The following ADCY3 variants were observed in gnomAD, a reference collection of about 807,000 sequenced individuals.
ADCY3 encodes the protein adenylate cyclase 3.
A neutral mutation model predicts 119.4 loss-of-function variants in ADCY3; 70 were observed. The ratio of observed to expected loss-of-function variants is 0.59; its 90% CI spans 0.48 to 0.72. The LOEUF is 0.72. Ranked by LOEUF, ADCY3 falls within the 30% of genes least tolerant of loss-of-function variation. The pLI is 0.00. For synonymous variants in ADCY3, 672 were observed against 621.4 expected (o/e 1.08, Z -1.21); for missense variants, 1,238 against 1,541.6 (o/e 0.80, Z 3.30).
At chr2:24,877,681 G>T (rs1172830929) in intron 2 of ADCY3, among the ~76,000 whole-genome samples, 1 of 152,232 alleles carries the variant, frequency 6.6e-6, no homozygotes, top group Non-Finnish European at 1.5e-5. Flanking sequence ...CACACTGGGT[G>T]AGTGGCACAC....
intron 3 of ADCY3, among the ~76,000 whole-genome samples, chr2:24,845,696 G>GT: frequency 1.3e-5 from 2 of 152,374 alleles, no homozygotes; most frequent in South Asian, 4.1e-4. Flanking sequence ...AGAAATTTGT[G>GT]TAAGTAATGA....
intron 2 of ADCY3, among the ~76,000 whole-genome samples, chr2:24,894,276 A>T (rs1678008342): frequency 6.6e-6 from 1 of 152,154 alleles, no homozygotes; most frequent in South Asian, 2.1e-4. Flanking sequence ...TGAGGCCAGG[A>T]GTTCAAGACC....
chr2:24,894,036 T>A (rs1192695267), intron 2 of ADCY3, among the ~76,000 whole-genome samples: 1 of 152,250 alleles, frequency 6.6e-6, no homozygotes, highest in Non-Finnish European at 1.5e-5. Context: ...TTCTTTGCCA[T>A]CTTTTGAATG....
intron 2 of ADCY3, among the ~76,000 whole-genome samples, chr2:24,873,578 T>C (rs1675290188): frequency 6.6e-6 from 1 of 152,192 alleles, no homozygotes; most frequent in East Asian, 1.9e-4. Context: ...GGGGTAACCT[T>C]GGATACAGAT....
intron 2 of ADCY3, among the ~76,000 whole-genome samples, chr2:24,908,760 A>G (rs771093249): frequency 5.9e-5 from 9 of 152,166 alleles, no homozygotes; most frequent in Non-Finnish European, 1.0e-4. Flanking sequence ...AAGAGCATCA[A>G]TCGTGCAAAA....
In ADCY3 at chr2:24,845,475, C is replaced by G. The variant is rs143492535; in HGVS notation, c.826-3091G>C. On this transcript the variant is annotated intron_variant, in intron 3 of 21. Coordinates refer to ENST00000679454, the MANE Select transcript of ADCY3 (RefSeq NM_004036.5). ...AGAGATTGGTGGCATTTTGCCCCTG[C>G]CCTAGAGATTTGTGGAACTTTGAAC... 6.2e-3 allele frequency among the ~76,000 whole-genome samples: 943 copies of G among 152,274 alleles called. 10 individuals are homozygous for G. The highest frequency in any genetic ancestry group is 0.019 in the African/African-American group (808 of 41,534).
At chr2:24,843,958 G>A (rs1472197519) in intron 3 of ADCY3, among the ~76,000 whole-genome samples, 1 of 152,236 alleles carries the variant, frequency 6.6e-6, no homozygotes, top group East Asian at 1.9e-4. Flanking sequence ...GTCTGGTGAA[G>A]GATGGTGGGG....
intron 2 of ADCY3, among the ~76,000 whole-genome samples, chr2:24,912,916 CAA>C (rs34987519): frequency 1.4e-4 from 21 of 152,166 alleles, no homozygotes; most frequent in Admixed American, 9.2e-4. Flanking sequence ...TGATTTTCTG[CAA>C]AGTTGTTTAC....
At position 24,918,276 on chromosome 2, in the gene ADCY3, G is replaced by T; in HGVS notation, c.675+37C>A. 1 of 1,520,370 alleles carries T rather than the reference G, an allele frequency of 6.6e-7. No homozygotes were observed. Among genetic ancestry groups the T allele is most frequent in the South Asian group, 1.3e-5 (1 of 75,960 alleles). 94.2% of individuals were successfully genotyped at this position (1,520,370 alleles called of 1,614,324 possible). A position where few individuals can be genotyped will look rare whatever the true frequency, so the allele number is the denominator to read the frequency against. On this transcript the variant is annotated intron_variant, in intron 2 of 21. Transcript: ENST00000679454. This position sits in a 1 kb window ranked among gnomAD's most constrained non-coding sequence, Gnocchi z 5.4. ...GGTCCCAAGTTGGTGAGAGCTGCAG[G>T]AGAGGACGCTGTGGGGGGACAGTGG...
At chr2:24,832,793 C>G (rs538371583) in intron 11 of ADCY3, among the ~76,000 whole-genome samples, 1 of 152,316 alleles carries the variant, frequency 6.6e-6, no homozygotes, top group Non-Finnish European at 1.5e-5. Flanking sequence ...GGATGCTGGC[C>G]TCCTTGGCTT....
chr2:24,871,393 G>A (rs1274533476), intron 3 of ADCY3, among the ~76,000 whole-genome samples: 2 of 152,184 alleles, frequency 1.3e-5, no homozygotes, highest in Non-Finnish European at 2.9e-5. Context: ...TGGCAGCCAG[G>A]GAAAATCCCC....
chr2:24,834,411 A>G lies in ADCY3; in HGVS notation c.1967+74T>C. The G allele has an allele frequency of 1.6e-6, 2 of 1,237,222 alleles. No individual in the cohort carries two copies. The highest frequency in any genetic ancestry group is 2.3e-6 in the Non-Finnish European group (2 of 885,548). 76.6% of individuals were successfully genotyped at this position (1,237,222 alleles called of 1,614,324 possible). A position where few individuals can be genotyped will look rare whatever the true frequency, so the allele number is the denominator to read the frequency against. The stretch of plus-strand genomic sequence containing the variant: ...TCCCCAATGTCAGGCTCCCGCTGAG[A>G]CACCTGCCCCCGCCCCCCGCCCGGC... On this transcript the variant is annotated intron_variant, in intron 11 of 21. Coordinates refer to ENST00000679454, the MANE Select transcript of ADCY3 (RefSeq NM_004036.5). The surrounding 1 kb of genome is among the most constrained non-coding windows in gnomAD (Gnocchi z 4.2).
intron 2 of ADCY3, among the ~76,000 whole-genome samples, chr2:24,896,437 T>C (rs889498619): frequency 5.9e-5 from 9 of 152,206 alleles, no homozygotes; most frequent in Non-Finnish European, 1.0e-4. Context: ...CATCACATCT[T>C]TGTCATTGCT....
At chr2:24,862,382 T>A (rs1673772733) in intron 3 of ADCY3, among the ~76,000 whole-genome samples, 1 of 152,068 alleles carries the variant, frequency 6.6e-6, no homozygotes, top group African/African-American at 2.4e-5. Context: ...CCGTCTCTAC[T>A]AAAAATACAA....
intron 2 of ADCY3, among the ~76,000 whole-genome samples, chr2:24,908,071 C>T (rs1257027139): frequency 1.3e-5 from 2 of 152,076 alleles, no homozygotes; most frequent in African/African-American, 4.8e-5. Context: ...CCTGTAATCC[C>T]AGCACTTTGG....
chr2:24,826,252 G>A (rs1668601909), intron 15 of ADCY3, 126 bp from the exon 16 acceptor site: 3 of 785,642 alleles, frequency 3.8e-6, no homozygotes, highest in Non-Finnish European at 6.2e-6. Flanking sequence ...GGCTCCTTAG[G>A]CCCTTTCACA....
intron 3 of ADCY3, among the ~76,000 whole-genome samples, chr2:24,860,947 G>C (rs1673558986): frequency 6.6e-6 from 1 of 152,244 alleles, no homozygotes; most frequent in Non-Finnish European, 1.5e-5. Context: ...CACTCTTAAG[G>C]CAGCTTAGAA....
intron 2 of ADCY3, among the ~76,000 whole-genome samples, chr2:24,906,232 A>C (rs1016483730): frequency 6.6e-6 from 1 of 152,002 alleles, no homozygotes; most frequent in Non-Finnish European, 1.5e-5. Context: ...TCTTCAGCCC[A>C]GGAGGTGGAG....
intron 19 of ADCY3, 67 bp from the exon 20 acceptor site, chr2:24,821,707 C>A: frequency 6.3e-7 from 1 of 1,580,636 alleles, no homozygotes; most frequent in Non-Finnish European, 8.6e-7. Context: ...CTGCTGCCTT[C>A]CCTGGCAGTG....
Sources: allele counts gnomAD v4.1 joint callset (sites outside exome capture counted in the v4.1 genomes callset), GRCh38; gene constraint gnomAD v4.1.1; non-coding constraint Gnocchi (gnomAD v3.1); transcripts MANE v1.5; gene names NCBI Gene and HGNC (gene_info 2026-07-23, HGNC 2026-07-21).